Variants in SRGAP3 observed in about 807,000 individuals in gnomAD.
SRGAP3 encodes SLIT-ROBO Rho GTPase-activating protein 3.
Under a neutral mutation model 121.1 loss-of-function variants are expected in SRGAP3, and 39 were observed. The ratio of observed to expected loss-of-function variants is 0.32; its 90% confidence interval spans 0.25 to 0.42. The LOEUF is 0.42. Ranked by LOEUF, SRGAP3 falls within the 10% of genes least tolerant of loss-of-function variation. The pLI, the probability that SRGAP3 is intolerant of heterozygous loss-of-function variation, is 1.00. For missense variants in SRGAP3, 1,213 were observed against 1,470.6 expected (o/e 0.82, Z 2.86); for synonymous variants, 601 against 570.0 (o/e 1.05, Z -0.77).
chr3:9,003,515 T>C (rs1942886205), intron 18 of SRGAP3, among the ~76,000 whole-genome samples: 2 of 112,988 alleles, frequency 1.8e-5, no homozygotes, highest in Non-Finnish European at 3.9e-5. Context: ...AAAAAATCAC[T>C]AGCGAGCCAA....
intron 1 of SRGAP3, chr3:9,216,793 G>C (rs974271284): frequency 2.0e-5 from 3 of 152,426 alleles, no homozygotes; most frequent in African/African-American, 4.8e-5. Flanking sequence ...GGATGAACGT[G>C]ATGCGGCCTC....
At chr3:9,259,223 ATATGGCT>A (rs1954201486) in intron 3 of SRGAP3, among the ~76,000 whole-genome samples, 1 of 151,208 alleles carries the variant, frequency 6.6e-6, no homozygotes, top group Non-Finnish European at 1.5e-5. Context: ...CTTTTTTTTC[ATATGGCT>A]ACCACATTTG....
chr3:9,080,122 A>T lies in SRGAP3; in HGVS notation c.424-35T>A, dbSNP rs370643529. 40 of 1,611,148 alleles carry T rather than the reference A, an allele frequency of 2.5e-5. No homozygotes were observed. In the African/African-American group the frequency reaches 4.9e-4, roughly 20 times the overall value. On this transcript the variant is annotated intron_variant, in intron 3 of 21. Transcript: ENST00000383836. ...GGAAGAACAAATGTCAGCGGGGGAG[A>T]AGTTTGCTGGCTACATTTACCAATC...
chr3:9,154,512 C>T (rs1219226083), intron 1 of SRGAP3, among the ~76,000 whole-genome samples: 2 of 151,958 alleles, frequency 1.3e-5, no homozygotes, highest in Non-Finnish European at 2.9e-5. Context: ...CGTCTCAAGG[C>T]CCCACCCCAC....
intron 3 of SRGAP3, among the ~76,000 whole-genome samples, chr3:9,097,695 C>T (rs1250591259): frequency 1.3e-5 from 2 of 152,186 alleles, no homozygotes; most frequent in Non-Finnish European, 2.9e-5. Flanking sequence ...GAAAGTGCTG[C>T]CAATGGACTC....
At chr3:9,164,055 T>C (rs1950696260) in intron 1 of SRGAP3, among the ~76,000 whole-genome samples, 1 of 137,782 alleles carries the variant, frequency 7.3e-6, no homozygotes, top group Non-Finnish European at 1.5e-5. Context: ...TGGAGTGCAA[T>C]GGCGCAATTT....
chr3:9,176,409 A>C (rs1009325301), intron 1 of SRGAP3, among the ~76,000 whole-genome samples: 5 of 152,206 alleles, frequency 3.3e-5, no homozygotes, highest in Non-Finnish European at 5.9e-5. Flanking sequence ...AATAAATATT[A>C]CTGTTATTAG....
intron 1 of SRGAP3, among the ~76,000 whole-genome samples, chr3:9,191,903 T>A (rs1951764293): frequency 6.6e-6 from 1 of 152,136 alleles, no homozygotes. Context: ...TTTCTCTCAC[T>A]CCTGTTTTTG....
chr3:9,058,415 C>T lies in SRGAP3; in HGVS notation c.859G>A (p.Ala287Thr). The change falls in exon 7 of 22, where the codon GCT becomes ACT. Residue 287 changes from alanine (A) to threonine (T), a missense_variant. This residue lies in a region of SRGAP3 where 793 missense variants were observed against 1,032.9 expected (regional missense o/e 0.77). Transcript: ENST00000383836. Reference sequence around the variant, plus strand: ...CGAGAGGTCTCCAGGTTGTATTCAGCTGAGAGATAGGTCCGGAAGGTGCGG... The same window carrying T: ...CGAGAGGTCTCCAGGTTGTATTCAGTTGAGAGATAGGTCCGGAAGGTGCGG... ...LARTFRTYLSAEYNLETSRHE... is the reference protein window; with the variant it reads ...LARTFRTYLSTEYNLETSRHE... 1 of 1,614,224 alleles carries T rather than the reference C, an allele frequency of 6.2e-7. No homozygotes were observed. Among genetic ancestry groups the T allele is most frequent in the South Asian group, 1.1e-5 (1 of 91,090 alleles).
intron 1 of SRGAP3, among the ~76,000 whole-genome samples, chr3:9,214,525 C>T (rs1013954981): frequency 6.6e-6 from 1 of 152,156 alleles, no homozygotes; most frequent in Non-Finnish European, 1.5e-5. Context: ...CTTTTAAACA[C>T]CAGATAAACA....
intron 2 of SRGAP3, among the ~76,000 whole-genome samples, chr3:9,108,183 C>T (rs915423135): frequency 6.6e-6 from 1 of 152,188 alleles, no homozygotes; most frequent in Non-Finnish European, 1.5e-5. Context: ...CTGTCCTGTA[C>T]ACTAGAATCA....
chr3:9,316,676 T>C (rs957637650), intron 3 of SRGAP3, among the ~76,000 whole-genome samples: 2 of 152,056 alleles, frequency 1.3e-5, no homozygotes, highest in African/African-American at 2.4e-5. Context: ...AAAATTAATA[T>C]AGCAATCTCA....
chr3:9,105,136 C>G (rs2124914745), intron 2 of SRGAP3, among the ~76,000 whole-genome samples: 1 of 152,350 alleles, frequency 6.6e-6, no homozygotes, highest in South Asian at 2.1e-4. Flanking sequence ...AGCTACCTCC[C>G]CTGGGGCTAA....
At chr3:9,025,452 C>T in intron 13 of SRGAP3, 114 bp from the exon 14 acceptor site, 1 of 1,189,470 alleles carries the variant, frequency 8.4e-7, no homozygotes, top group Non-Finnish European at 1.2e-6. Context: ...TCCCCCGATC[C>T]TTTATAACAG....
chr3:9,206,453 A>C (rs1008976100), intron 1 of SRGAP3, among the ~76,000 whole-genome samples: 2 of 152,154 alleles, frequency 1.3e-5, no homozygotes, highest in African/African-American at 4.8e-5. Flanking sequence ...CTCATCATCT[A>C]TTCTCAGCAC....
chr3:9,156,699 G>A (rs1002989248), intron 1 of SRGAP3, among the ~76,000 whole-genome samples: 1 of 152,152 alleles, frequency 6.6e-6, no homozygotes, highest in African/African-American at 2.4e-5. Context: ...CTATCATTTG[G>A]TCTTGTCACT....
chr3:9,003,823 C>T (rs1176193828), intron 18 of SRGAP3, among the ~76,000 whole-genome samples: 1 of 152,136 alleles, frequency 6.6e-6, no homozygotes, highest in Non-Finnish European at 1.5e-5. Flanking sequence ...TGGATGCTTT[C>T]CCCATAAGAT....
intron 1 of SRGAP3, among the ~76,000 whole-genome samples, chr3:9,145,400 C>G (rs989093914): frequency 5.3e-5 from 8 of 152,184 alleles, no homozygotes; most frequent in African/African-American, 1.9e-4. Flanking sequence ...CTGGCTTTCT[C>G]TTTCTCTTTC....
At chr3:9,028,734 G>A (rs17737312) in intron 12 of SRGAP3, among the ~76,000 whole-genome samples, 36,310 of 151,962 alleles carry the variant, frequency 0.24, 4,511 homozygotes, top group Non-Finnish European at 0.26. Flanking sequence ...TTTCCCTGCC[G>A]TACACCCTAA....
Sources: allele counts gnomAD v4.1 joint callset (sites outside exome capture counted in the v4.1 genomes callset), GRCh38; gene constraint gnomAD v4.1.1; regional missense constraint gnomAD v4.1.1; transcripts MANE v1.5; gene names NCBI Gene and HGNC (gene_info 2026-07-23, HGNC 2026-07-21).